EYA4: variants seen among roughly 807,000 people sequenced by gnomAD.
EYA4 encodes protein phosphatase EYA4.
Under a neutral mutation model 87.9 loss-of-function variants are expected in EYA4, and 31 were observed. The observed-to-expected ratio is 0.35, with a 90% CI of 0.27 to 0.48. The LOEUF (loss-of-function observed/expected upper bound fraction) is 0.48, where lower values mean the gene tolerates loss of function less well. Among genes scored for constraint, EYA4 ranks in the 20% least tolerant of loss-of-function variants. The probability of loss-of-function intolerance (pLI) is 0.99; values close to 1 mark genes in which losing one functional copy is unlikely to be tolerated. For synonymous variants in EYA4, 263 were observed against 270.6 expected, an observed-to-expected ratio of 0.97 and a Z score of 0.28; for missense variants, 678 against 761.4, an observed-to-expected ratio of 0.89 and a Z score of 1.29.
chr6:133,477,095 T>TGTAA lies in EYA4; in HGVS notation c.971-4365_971-4362dup, dbSNP rs200831307. 1.7e-3 allele frequency among the ~76,000 whole-genome samples: 257 copies of TGTAA among 152,168 alleles called. 6 individuals carry two copies. The East Asian group carries it at 0.048, about 29-fold the overall frequency. ...CTTCCCCTTCCCCTTCTGCCATGAT[T>TGTAA]GTAAGTTTCCTGAGGCTTCCTCAGC... On this transcript the variant is annotated intron_variant, in intron 11 of 19. Transcript: ENST00000355286.
At chr6:133,339,862 C>A (rs745572402) in intron 2 of EYA4, among the ~76,000 whole-genome samples, 7 of 152,148 alleles carry the variant, frequency 4.6e-5, no homozygotes, top group Non-Finnish European at 7.3e-5. Flanking sequence ...GACTTTGAGG[C>A]AGCGAAGGAC....
At chr6:133,467,937 AG>A (rs1454897681) in intron 10 of EYA4, among the ~76,000 whole-genome samples, 1 of 152,080 alleles carries the variant, frequency 6.6e-6, no homozygotes, top group Non-Finnish European at 1.5e-5. Flanking sequence ...TCTGTAACAA[AG>A]GAGGGAAACT....
chr6:133,454,027 C>T (rs900388573), intron 5 of EYA4, among the ~76,000 whole-genome samples: 7 of 152,086 alleles, frequency 4.6e-5, no homozygotes, highest in African/African-American at 1.7e-4. Flanking sequence ...TAATCAAAAT[C>T]AATACTAAGC....
intron 2 of EYA4, among the ~76,000 whole-genome samples, chr6:133,314,358 T>C (rs927070521): frequency 6.6e-6 from 1 of 152,194 alleles, no homozygotes; most frequent in African/African-American, 2.4e-5. Context: ...AGAAAGACCA[T>C]TTAAATATGT....
chr6:133,457,883 T>C (rs1384311593), intron 6 of EYA4, among the ~76,000 whole-genome samples: 1 of 152,184 alleles, frequency 6.6e-6, no homozygotes, highest in African/African-American at 2.4e-5. Flanking sequence ...TACAAGTTAA[T>C]TGAAAGCTGA....
intron 14 of EYA4, among the ~76,000 whole-genome samples, chr6:133,512,501 TCA>T (rs1268276155): frequency 6.6e-6 from 1 of 152,236 alleles, no homozygotes; most frequent in Non-Finnish European, 1.5e-5. Context: ...GTATATTTTC[TCA>T]CCCCTCCTTT....
chr6:133,474,933 A>G (rs890382906), intron 11 of EYA4, among the ~76,000 whole-genome samples: 2 of 152,142 alleles, frequency 1.3e-5, no homozygotes, highest in Non-Finnish European at 2.9e-5. Context: ...GTTCAATAAG[A>G]GACAGCTGGT....
chr6:133,257,339 T>C (rs1237469322), intron 1 of EYA4, among the ~76,000 whole-genome samples: 1 of 152,126 alleles, frequency 6.6e-6, no homozygotes, highest in Admixed American at 6.6e-5. Flanking sequence ...AAAACAACTC[T>C]CCTTCCCCCA....
At chr6:133,335,228 A>G (rs1307618548) in intron 2 of EYA4, among the ~76,000 whole-genome samples, 3 of 152,208 alleles carry the variant, frequency 2.0e-5, no homozygotes, top group East Asian at 1.9e-4. Context: ...GCACCTGTGT[A>G]TACCTAGGGC....
chr6:133,297,599 G>A (rs1012731941), intron 2 of EYA4, among the ~76,000 whole-genome samples: 1 of 152,166 alleles, frequency 6.6e-6, no homozygotes, highest in African/African-American at 2.4e-5. Flanking sequence ...CCAAGTTTGA[G>A]TTCAGGGCAA....
At chr6:133,429,509 T>G (rs1008912460) in intron 3 of EYA4, among the ~76,000 whole-genome samples, 2 of 152,022 alleles carry the variant, frequency 1.3e-5, no homozygotes, top group African/African-American at 2.4e-5. Flanking sequence ...GGATTCTAAT[T>G]AAAGTGGATA....
At chr6:133,346,517 G>GA (rs1783209221) in intron 2 of EYA4, among the ~76,000 whole-genome samples, 1 of 152,106 alleles carries the variant, frequency 6.6e-6, no homozygotes, top group Non-Finnish European at 1.5e-5. Flanking sequence ...GCAACCTTGG[G>GA]ATCTCAAAAT....
rs1312770858 is a variant in EYA4, at chr6:133,525,181, T to C, written c.1766T>C (p.Met589Thr). Reference protein sequence around the residue: ...IGKESCFERIMQRFGRKVVYV... With the variant: ...IGKESCFERITQRFGRKVVYV... ...AAAGAAAGTTGCTTTGAACGAATAA[T>C]GCAAAGGTTTGGCAGAAAAGTAGTG... The change falls in exon 19 of 20, where the codon ATG becomes ACG. Residue 589 changes from methionine (M) to threonine (T), a missense_variant. Physicochemically the swap from Met to Thr is moderately conservative, Grantham distance 81 (BLOSUM62 -1). Transcript: ENST00000355286. 2 of 1,613,656 alleles carry C rather than the reference T, an allele frequency of 1.2e-6. No individual in the cohort carries two copies. The highest frequency in any genetic ancestry group is 1.7e-6 in the Non-Finnish European group (2 of 1,179,788).
Position 133,530,257 on chromosome 6 carries a change from TGTTA to T in EYA4, c.*1456_*1459del, listed in dbSNP as rs1195016041. On this transcript the variant is annotated 3_prime_UTR_variant, in exon 20 of 20. Coordinates refer to ENST00000355286, the MANE Select transcript of EYA4 (RefSeq NM_004100.5). ...TCCTCGTAACAGACTTGCATATGTT[TGTTA>T]GTTTCTGCCTGTATTGTCACTGCGC... 1 of 985,304 alleles carries T rather than the reference TGTTA, an allele frequency of 1.0e-6. No individual in the cohort carries two copies. Among genetic ancestry groups the T allele is most frequent in the Non-Finnish European group, 1.2e-6 (1 of 829,916 alleles). The allele number at this position is 985,304 out of a possible 1,614,324, so 61.0% of individuals were successfully genotyped here.
chr6:133,347,525 T>G (rs1369460813), intron 2 of EYA4, among the ~76,000 whole-genome samples: 1 of 152,214 alleles, frequency 6.6e-6, no homozygotes, highest in Non-Finnish European at 1.5e-5. Flanking sequence ...GTTTTGTAGC[T>G]GTACTTAATA....
intron 1 of EYA4, among the ~76,000 whole-genome samples, chr6:133,250,973 T>G (rs953602201): frequency 6.6e-6 from 1 of 152,182 alleles, no homozygotes; most frequent in East Asian, 1.9e-4. Flanking sequence ...TGACCATAAA[T>G]GGAGTGTCCA....
intron 1 of EYA4, among the ~76,000 whole-genome samples, chr6:133,251,550 A>G (rs1433421013): frequency 2.6e-5 from 4 of 152,196 alleles, no homozygotes; most frequent in South Asian, 4.1e-4. Context: ...GTGTATCTGT[A>G]TAGTTTTAAA....
chr6:133,337,918 G>T (rs926548008), intron 2 of EYA4, among the ~76,000 whole-genome samples: 1 of 152,112 alleles, frequency 6.6e-6, no homozygotes, highest in Non-Finnish European at 1.5e-5. Context: ...CGCAGATTGG[G>T]GTTTTAGATG....
intron 2 of EYA4, among the ~76,000 whole-genome samples, chr6:133,362,412 A>G (rs773302888): frequency 1.3e-5 from 2 of 152,206 alleles, no homozygotes; most frequent in Non-Finnish European, 2.9e-5. Flanking sequence ...TGAGAAACTG[A>G]CCTAATGAAA....
Sources: allele counts gnomAD v4.1 joint callset (sites outside exome capture counted in the v4.1 genomes callset), GRCh38; gene constraint gnomAD v4.1.1; transcripts MANE v1.5; gene names NCBI Gene and HGNC (gene_info 2026-07-23, HGNC 2026-07-21).